Variants in NRG3 observed in about 807,000 individuals in gnomAD.
NRG3 encodes pro-neuregulin-3, membrane-bound isoform.
Under a neutral mutation model 66.9 loss-of-function variants are expected in NRG3, and 31 were observed. The observed-to-expected ratio is 0.46, with a 90% CI of 0.35 to 0.63. The LOEUF (loss-of-function observed/expected upper bound fraction) is 0.63. Among genes scored for constraint, NRG3 ranks in the 20% least tolerant of loss-of-function variants. The probability of loss-of-function intolerance (pLI) is 0.00; values close to 1 mark genes in which losing one functional copy is unlikely to be tolerated. For synonymous variants in NRG3, 393 were observed against 359.4 expected, an observed-to-expected ratio of 1.09 and a Z score of -1.06; for missense variants, 910 against 878.9, an observed-to-expected ratio of 1.04 and a Z score of -0.45.
At chr10:82,445,680 A>T (rs1355305946) in intron 2 of NRG3, among the ~76,000 whole-genome samples, 1 of 152,022 alleles carries the variant, frequency 6.6e-6, no homozygotes, top group Non-Finnish European at 1.5e-5. Context: ...CTGATTCTAT[A>T]CCCTAAACAT....
chr10:82,285,652 G>A (rs1371546244), intron 1 of NRG3, among the ~76,000 whole-genome samples: 3 of 152,112 alleles, frequency 2.0e-5, no homozygotes, highest in Non-Finnish European at 2.9e-5. Flanking sequence ...ACACGCCAAG[G>A]CTGGTGGCCA....
chr10:82,667,103 C>T (rs2134006418), intron 2 of NRG3, among the ~76,000 whole-genome samples: 1 of 152,188 alleles, frequency 6.6e-6, no homozygotes, highest in East Asian at 1.9e-4. Context: ...ATTCTCCTCA[C>T]CTTGGGTTCC....
intron 2 of NRG3, among the ~76,000 whole-genome samples, chr10:82,453,682 TA>T (rs541557844): frequency 0.017 from 2,105 of 126,054 alleles, 12 homozygotes; most frequent in Non-Finnish European, 0.021. Flanking sequence ...TGTTTTGAGC[TA>T]AAAAAAAAAA....
At chr10:82,017,914 C>G (rs1448775864) in intron 1 of NRG3, among the ~76,000 whole-genome samples, 3 of 152,198 alleles carry the variant, frequency 2.0e-5, no homozygotes, top group Non-Finnish European at 4.4e-5. Context: ...ATGGCAGTTT[C>G]TTTTGCTGTG....
intron 1 of NRG3, among the ~76,000 whole-genome samples, chr10:82,328,271 G>A (rs2081971343): frequency 6.6e-6 from 1 of 152,182 alleles, no homozygotes; most frequent in African/African-American, 2.4e-5. Flanking sequence ...GTCTTGTTTG[G>A]ATATTTGTTA....
rs535833615 is a variant in NRG3 at position 82,946,261 on chromosome 10, C to T, written c.1055-5208C>T. ...GGTCCTTTAAAAGACAAGCAGAAGG[C>T]GTGGAGCATTGGCTCGCGCCTGTAA... is the stretch of plus-strand genomic sequence containing the variant. On this transcript the variant is annotated intron_variant, in intron 4 of 8. Coordinates refer to ENST00000372141, the MANE Select transcript of NRG3 (RefSeq NM_001010848.4). Among the ~76,000 whole-genome samples, 26 of 149,194 alleles carry T rather than the reference C, an allele frequency of 1.7e-4. 1 individual carries two copies. The Middle Eastern group carries it at 0.025, about 146-fold the overall frequency.
At chr10:81,977,483 G>A (rs920109776) in intron 1 of NRG3, among the ~76,000 whole-genome samples, 40 of 152,176 alleles carry the variant, frequency 2.6e-4, no homozygotes, top group Non-Finnish European at 4.0e-4. Context: ...TGTGTTGGCT[G>A]AGTTAATCAC....
chr10:82,858,394 GA>G (rs112240371), intron 3 of NRG3, among the ~76,000 whole-genome samples: 2,309 of 152,120 alleles, frequency 0.015, 53 homozygotes, highest in African/African-American at 0.051. Context: ...CTCAACACAG[GA>G]CATCTCAGCA....
intron 2 of NRG3, among the ~76,000 whole-genome samples, chr10:82,548,083 A>G (rs1407080834): frequency 6.7e-6 from 1 of 148,990 alleles, no homozygotes; most frequent in Non-Finnish European, 1.5e-5. Context: ...ATTCTAGGAG[A>G]TAATAATAAA....
At chr10:81,950,256 G>T (rs1327571743) in intron 1 of NRG3, among the ~76,000 whole-genome samples, 1 of 152,096 alleles carries the variant, frequency 6.6e-6, no homozygotes, top group Non-Finnish European at 1.5e-5. Context: ...ATGAAAGTTG[G>T]TCTCAATTTA....
chr10:82,833,193 A>G (rs906320383), intron 3 of NRG3, among the ~76,000 whole-genome samples: 4 of 152,192 alleles, frequency 2.6e-5, no homozygotes, highest in African/African-American at 9.6e-5. Context: ...ATGCCTAAAA[A>G]TATATGGACT....
At chr10:82,241,250 G>A (rs995889451) in intron 1 of NRG3, among the ~76,000 whole-genome samples, 3 of 152,028 alleles carry the variant, frequency 2.0e-5, no homozygotes, top group Admixed American at 1.3e-4. Context: ...TAATTGAGAG[G>A]GGAGCAGTAG....
chr10:82,530,322 T>C (rs1475040562), intron 2 of NRG3, among the ~76,000 whole-genome samples: 1 of 152,034 alleles, frequency 6.6e-6, no homozygotes, highest in East Asian at 1.9e-4. Context: ...CAAAAAGCCT[T>C]CAATAATCTA....
At chr10:82,461,370 G>A (rs2091507673) in intron 2 of NRG3, among the ~76,000 whole-genome samples, 1 of 151,654 alleles carries the variant, frequency 6.6e-6, no homozygotes, top group Non-Finnish European at 1.5e-5. Flanking sequence ...ATCACCACCA[G>A]CACCCACCAT....
chr10:81,894,706 C>G (rs1276432392), intron 1 of NRG3, among the ~76,000 whole-genome samples: 1 of 152,002 alleles, frequency 6.6e-6, no homozygotes, highest in African/African-American at 2.4e-5. Context: ...TGGAGACTGC[C>G]CTCCCCGCTG....
At chr10:82,439,889 A>G (rs1157926978) in intron 2 of NRG3, among the ~76,000 whole-genome samples, 3 of 152,104 alleles carry the variant, frequency 2.0e-5, no homozygotes, top group Non-Finnish European at 4.4e-5. Context: ...AGCTTTAGCT[A>G]TTGATAGGTT....
intron 2 of NRG3, among the ~76,000 whole-genome samples, chr10:82,396,029 G>C (rs1398202606): frequency 6.6e-6 from 1 of 152,060 alleles, no homozygotes; most frequent in African/African-American, 2.4e-5. Flanking sequence ...GTTTGAACAG[G>C]GCTTGGCTTT....
chr10:82,952,671 A>T (rs1470647339), intron 5 of NRG3, among the ~76,000 whole-genome samples: 1 of 151,814 alleles, frequency 6.6e-6, no homozygotes, highest in Non-Finnish European at 1.5e-5. Context: ...TCTGAAATTC[A>T]AGCCAATGTG....
intron 1 of NRG3, among the ~76,000 whole-genome samples, chr10:82,050,655 A>C (rs1243857005): frequency 2.6e-5 from 4 of 151,894 alleles, no homozygotes; most frequent in Non-Finnish European, 5.9e-5. Context: ...CCTCTTTGCT[A>C]TGCCTTCGTA....
Sources: allele counts gnomAD v4.1 joint callset (sites outside exome capture counted in the v4.1 genomes callset), GRCh38; gene constraint gnomAD v4.1.1; transcripts MANE v1.5; gene names NCBI Gene and HGNC (gene_info 2026-07-23, HGNC 2026-07-21).